The following UIMC1 variants were observed in gnomAD, a reference collection of about 807,000 sequenced individuals.
UIMC1 encodes the protein BRCA1-A complex subunit RAP80.
Under a neutral mutation model 84.9 loss-of-function variants are expected in UIMC1, and 42 were observed. The ratio of observed to expected loss-of-function variants is 0.49; its 90% CI spans 0.39 to 0.64. The LOEUF (loss-of-function observed/expected upper bound fraction) is 0.64. UIMC1 is among the 30% of genes least tolerant of loss of function. UIMC1 has a pLI of 0.00. For synonymous variants in UIMC1, 281 were observed against 293.0 expected, an observed-to-expected ratio of 0.96 and a Z score of 0.42; for missense variants, 825 against 847.6, an observed-to-expected ratio of 0.97 and a Z score of 0.33.
chr5:176,917,852 C>A (rs565371023), intron 10 of UIMC1, among the ~76,000 whole-genome samples: 95 of 152,106 alleles, frequency 6.2e-4, no homozygotes, highest in Non-Finnish European at 6.0e-4. Flanking sequence ...TCAGCTACTT[C>A]GGAGGCTGAG....
chr5:176,912,749 T>C (rs1236771269), intron 10 of UIMC1, among the ~76,000 whole-genome samples: 1 of 152,068 alleles, frequency 6.6e-6, no homozygotes, highest in Non-Finnish European at 1.5e-5. Flanking sequence ...CACTGCAACC[T>C]CCGCCTCCCG....
Position 176,943,480 on chromosome 5 carries a change from G to A in UIMC1, c.1452C>T (p.Asn484=), listed in dbSNP as rs1430673281. Residue 484 remains asparagine (N), a synonymous_variant, in exon 10 of 15, where the codon AAC becomes AAT. Transcript: ENST00000511320. ...RIIMADKEVG[N]KEDAEKEVAI... ...CTACTTCCTTCTCAGCATCTTCCTT[G>A]TTACCAACCTGAAGAACATGACAAA... is the stretch of plus-strand genomic sequence containing the variant. 1.9e-6 allele frequency: 3 copies of A among 1,613,876 alleles called. No individual in the cohort carries two copies. The highest frequency in any genetic ancestry group is 2.5e-6 in the Non-Finnish European group (3 of 1,179,868).
At chr5:177,017,684 T>G (rs1478585545) in intron 1 of UIMC1, among the ~76,000 whole-genome samples, 1 of 151,588 alleles carries the variant, frequency 6.6e-6, no homozygotes, top group Non-Finnish European at 1.5e-5. Context: ...TTTTTTTTTT[T>G]TTTGAGACAG....
At chr5:176,915,443 A>C (rs953290342) in intron 10 of UIMC1, among the ~76,000 whole-genome samples, 1 of 150,020 alleles carries the variant, frequency 6.7e-6, no homozygotes, top group Non-Finnish European at 1.5e-5. Flanking sequence ...CATTATTTCT[A>C]TTTTACAGTA....
upstream of UIMC1, among the ~76,000 whole-genome samples, chr5:177,008,313 C>T (rs1775459817): frequency 2.0e-5 from 3 of 152,098 alleles, no homozygotes; most frequent in African/African-American, 2.4e-5. Flanking sequence ...CCACTGCTTC[C>T]TTGAACCTCA....
intron 3 of UIMC1, among the ~76,000 whole-genome samples, chr5:176,972,723 A>G (rs1769444287): frequency 6.6e-6 from 1 of 152,098 alleles, no homozygotes; most frequent in African/African-American, 2.4e-5. Context: ...GCGACAGAAC[A>G]AGACTCCATC....
At chr5:176,936,196 CA>C (rs1763700422) in intron 10 of UIMC1, among the ~76,000 whole-genome samples, 1 of 152,168 alleles carries the variant, frequency 6.6e-6, no homozygotes, top group Non-Finnish European at 1.5e-5. Context: ...CCATTTATTG[CA>C]TACCTATTAC....
At chr5:176,947,582 G>A (rs189948736) in intron 9 of UIMC1, among the ~76,000 whole-genome samples, 4 of 152,260 alleles carry the variant, frequency 2.6e-5, no homozygotes, top group Admixed American at 1.3e-4. Flanking sequence ...ACTTTGGGAG[G>A]CCAAGGCGGG....
chr5:176,950,971 G>A (rs1440315880), intron 9 of UIMC1, among the ~76,000 whole-genome samples: 1 of 151,802 alleles, frequency 6.6e-6, no homozygotes, highest in African/African-American at 2.4e-5. Flanking sequence ...GATATGTAAA[G>A]TGAGGAAAGG....
At chr5:176,914,780 T>A (rs759154158) in intron 10 of UIMC1, among the ~76,000 whole-genome samples, 2 of 152,234 alleles carry the variant, frequency 1.3e-5, no homozygotes, top group Non-Finnish European at 2.9e-5. Flanking sequence ...TTAAATGATC[T>A]AAGGTTCCTT....
chr5:176,959,310 A>C (rs892242336), intron 6 of UIMC1, among the ~76,000 whole-genome samples: 5 of 152,240 alleles, frequency 3.3e-5, no homozygotes, highest in Admixed American at 6.5e-5. Context: ...GAATTTTATA[A>C]TGACTAGCCT....
intron 8 of UIMC1, among the ~76,000 whole-genome samples, chr5:176,953,536 T>C (rs559106370): frequency 4.1e-5 from 4 of 96,592 alleles, no homozygotes; most frequent in Admixed American, 8.8e-5. Context: ...ACACACCTTA[T>C]TGGAAAAAGG....
chr5:176,941,307 A>G (rs1031728558), intron 10 of UIMC1, among the ~76,000 whole-genome samples: 1 of 152,196 alleles, frequency 6.6e-6, no homozygotes, highest in Non-Finnish European at 1.5e-5. Context: ...AAAGAGCTAA[A>G]TTTACTGCTA....
chr5:177,011,525 G>C (rs1198123264), upstream of UIMC1, among the ~76,000 whole-genome samples: 2 of 152,040 alleles, frequency 1.3e-5, no homozygotes, highest in African/African-American at 4.8e-5. Flanking sequence ...CCAGGCTGCA[G>C]TGAGCTATGA....
At chr5:177,007,319 C>A (rs1231641350), upstream of UIMC1, among the ~76,000 whole-genome samples, 53 of 116,082 alleles carry the variant, frequency 4.6e-4, 1 homozygote, top group African/African-American at 1.9e-3. Flanking sequence ...CCAGCCTGGG[C>A]AACAGAGCGA....
intron 1 of UIMC1, among the ~76,000 whole-genome samples, chr5:177,002,465 A>G (rs548074408): frequency 1.6e-3 from 245 of 152,196 alleles, no homozygotes; most frequent in African/African-American, 5.7e-3. Flanking sequence ...AGACGGGTTC[A>G]CTCTACTGTA....
At chr5:177,013,688 C>A (rs1179289968) in intron 1 of UIMC1, among the ~76,000 whole-genome samples, 1 of 152,140 alleles carries the variant, frequency 6.6e-6, no homozygotes, top group Non-Finnish European at 1.5e-5. Context: ...AAAAAGCAAC[C>A]AATGCTTCTC....
At position 176,969,084 on chromosome 5, in the gene UIMC1, G is replaced by A. The variant is rs200789444; in HGVS notation, c.671C>T (p.Ser224Leu). 16 of 1,614,110 alleles carry A rather than the reference G, an allele frequency of 9.9e-6. No homozygotes were observed. Among genetic ancestry groups the A allele is most frequent in the East Asian group, 4.5e-5 (2 of 44,886 alleles). Residue 224 changes from serine to leucine, a missense_variant, in exon 6 of 15, where the codon TCG becomes TTG. Physicochemically the swap from Ser to Leu is moderately radical, Grantham distance 145 (BLOSUM62 -2). Transcript: ENST00000511320. ...VKSFDRCTGH[S>L]AEHTQCGKPQ... ...CTTCCCACACTGTGTGTGCTCAGCC[G>A]AGTGGCCAGTACATCTGTCAAAAGA...
chr5:177,008,116 A>G (rs1775450536), upstream of UIMC1, among the ~76,000 whole-genome samples: 1 of 151,906 alleles, frequency 6.6e-6, no homozygotes, highest in Non-Finnish European at 1.5e-5. Flanking sequence ...AAAAAAAAAA[A>G]AAGAGAGAGA....
Sources: allele counts gnomAD v4.1 joint callset (sites outside exome capture counted in the v4.1 genomes callset), GRCh38; gene constraint gnomAD v4.1.1; transcripts MANE v1.5; gene names NCBI Gene and HGNC (gene_info 2026-07-23, HGNC 2026-07-21).